The following CTNNA2 variants were observed in gnomAD, a reference collection of about 807,000 sequenced individuals.
CTNNA2 encodes the protein catenin alpha 2.
CTNNA2 carries 42 observed loss-of-function variants against 101.0 expected under a neutral mutation model. The observed-to-expected ratio is 0.42, with a 90% CI of 0.32 to 0.54. CTNNA2 has a LOEUF of 0.54. CTNNA2 is among the 20% of genes least tolerant of loss of function. CTNNA2 has a pLI of 0.14. For missense variants in CTNNA2, 871 were observed against 1,223.1 expected, an observed-to-expected ratio of 0.71 and a Z score of 4.29; for synonymous variants, 450 against 456.4, an observed-to-expected ratio of 0.99 and a Z score of 0.18.
At chr2:79,517,712 A>G (rs994480428) in intron 1 of CTNNA2, among the ~76,000 whole-genome samples, 1 of 152,218 alleles carries the variant, frequency 6.6e-6, no homozygotes, top group Non-Finnish European at 1.5e-5. Flanking sequence ...ACTCAGCCAT[A>G]AATTTGCATT....
At chr2:79,378,905 G>A (rs1678008853) in intron 4 of CTNNA2, among the ~76,000 whole-genome samples, 3 of 152,026 alleles carry the variant, frequency 2.0e-5, no homozygotes, top group Non-Finnish European at 4.4e-5. Context: ...ACTTCTTTGG[G>A]TCATGGGGAG....
chr2:79,463,490 G>C (rs1356203346), intron 4 of CTNNA2, among the ~76,000 whole-genome samples: 1 of 151,852 alleles, frequency 6.6e-6, no homozygotes, highest in Non-Finnish European at 1.5e-5. Flanking sequence ...CATATATTGT[G>C]ATGGCTTCTG....
chr2:79,482,537 G>A (rs1412119660), intron 4 of CTNNA2, among the ~76,000 whole-genome samples: 1 of 152,104 alleles, frequency 6.6e-6, no homozygotes, highest in African/African-American at 2.4e-5. Flanking sequence ...ATTTCCAAAT[G>A]TTACTCAGGT....
intron 9 of CTNNA2, among the ~76,000 whole-genome samples, chr2:80,456,442 T>A (rs1277101649): frequency 6.6e-6 from 1 of 152,096 alleles, no homozygotes; most frequent in Admixed American, 6.6e-5. Context: ...ACTGGGGTGC[T>A]ATTGGACGCG....
At chr2:80,095,250 A>C (rs1325880851) in intron 7 of CTNNA2, among the ~76,000 whole-genome samples, 1 of 152,132 alleles carries the variant, frequency 6.6e-6, no homozygotes, top group Non-Finnish European at 1.5e-5. Context: ...TTCTGCATCT[A>C]TTGAGATAAT....
chr2:80,476,412 C>A (rs1345466311), intron 9 of CTNNA2, among the ~76,000 whole-genome samples: 1 of 152,116 alleles, frequency 6.6e-6, no homozygotes, highest in African/African-American at 2.4e-5. Flanking sequence ...ATTTGATACA[C>A]TAGTTGTAGG....
chr2:80,574,180 G>A lies in CTNNA2; in HGVS notation c.1759G>A (p.Glu587Lys). Residue 587 changes from glutamate (E) to lysine (K), a missense_variant, in exon 13 of 19, where the codon GAA becomes AAA. Physicochemically the swap from Glu to Lys is moderately conservative, Grantham distance 56 (BLOSUM62 1). Transcript: ENST00000402739. ...TAACCCAGTGATGCCACGCTTCGCT[G>A]AACAAGTAGAGGTTGCCATTGAAGC... Reference protein sequence around the residue: ...LSETVMPRFAEQVEVAIEALS... With the variant: ...LSETVMPRFAKQVEVAIEALS... The A allele has an allele frequency of 6.2e-7, 1 of 1,612,666 alleles. No individual in the cohort carries two copies. The highest frequency in any genetic ancestry group is 8.5e-7 in the Non-Finnish European group (1 of 1,179,226).
At chr2:79,842,692 A>G (rs1033990898) in intron 3 of CTNNA2, among the ~76,000 whole-genome samples, 1 of 151,760 alleles carries the variant, frequency 6.6e-6, no homozygotes, top group African/African-American at 2.4e-5. Flanking sequence ...ATTTAGCCGT[A>G]GTTTTGGGTG....
chr2:79,604,151 T>C (rs984884183), intron 1 of CTNNA2, among the ~76,000 whole-genome samples: 1 of 152,208 alleles, frequency 6.6e-6, no homozygotes, highest in Non-Finnish European at 1.5e-5. Context: ...TCAGTGTGTA[T>C]GTCTGTGTGT....
intron 7 of CTNNA2, among the ~76,000 whole-genome samples, chr2:80,092,572 G>C (rs960452301): frequency 1.3e-5 from 2 of 152,062 alleles, no homozygotes; most frequent in African/African-American, 4.8e-5. Flanking sequence ...GAACTGTTAA[G>C]AGCATTGCTT....
At chr2:79,967,117 CGTGTGT>C (rs56007530) in intron 7 of CTNNA2, among the ~76,000 whole-genome samples, 23 of 149,668 alleles carry the variant, frequency 1.5e-4, no homozygotes, top group Admixed American at 6.0e-4. Context: ...CGCGCACGCA[CGTGTGT>C]GTGTGTGTGT....
intron 1 of CTNNA2, among the ~76,000 whole-genome samples, chr2:79,644,162 C>T (rs781113822): frequency 2.4e-4 from 36 of 152,036 alleles, no homozygotes; most frequent in Non-Finnish European, 3.4e-4. Flanking sequence ...CTCAGCCTCC[C>T]GAGTAGCTGG....
rs1673961424 is a variant in CTNNA2, at chr2:79,196,360, C to T, written c.-523-1599C>T. 3.9e-5 allele frequency among the ~76,000 whole-genome samples: 6 copies of T among 152,132 alleles called. No homozygotes were observed. The South Asian group carries it at 1.2e-3, about 32-fold the overall frequency. Reference sequence around the variant, plus strand: ...TGATTTTTTACTTCCTCACTCACCCCAACCTGCCATTGAAAAAAATCAATT... The same window carrying T: ...TGATTTTTTACTTCCTCACTCACCCTAACCTGCCATTGAAAAAAATCAATT... On this transcript the variant is annotated intron_variant, in intron 1 of 21. Coordinates refer to the CTNNA2 transcript ENST00000466387.
intron 8 of CTNNA2, among the ~76,000 whole-genome samples, chr2:80,398,847 A>G (rs1010205411): frequency 2.0e-5 from 3 of 151,548 alleles, no homozygotes; most frequent in Admixed American, 6.6e-5. Flanking sequence ...AGCCTGGGTA[A>G]CACATCAAGA....
chr2:80,316,849 G>A (rs1160603024), intron 7 of CTNNA2, among the ~76,000 whole-genome samples: 1 of 152,110 alleles, frequency 6.6e-6, no homozygotes. Context: ...ATACAGTGGG[G>A]AACAAAACTG....
chr2:80,516,897 T>C (rs557474404), intron 9 of CTNNA2, among the ~76,000 whole-genome samples: 1 of 152,320 alleles, frequency 6.6e-6, no homozygotes, highest in South Asian at 2.1e-4. Context: ...TTCTCTTCCA[T>C]GTGAAATCAG....
At chr2:80,587,511 A>C (rs1264969143) in intron 14 of CTNNA2, among the ~76,000 whole-genome samples, 1 of 152,218 alleles carries the variant, frequency 6.6e-6, no homozygotes, top group Non-Finnish European at 1.5e-5. Flanking sequence ...ATTATTTACT[A>C]TGCCCATATT....
intron 9 of CTNNA2, among the ~76,000 whole-genome samples, chr2:80,454,665 T>C (rs1303719790): frequency 6.6e-6 from 1 of 152,230 alleles, no homozygotes; most frequent in Non-Finnish European, 1.5e-5. Context: ...GCAAGTACCC[T>C]GGGCACTGGG....
chr2:79,487,536 A>G (rs1023396481), intron 4 of CTNNA2, among the ~76,000 whole-genome samples: 3 of 152,200 alleles, frequency 2.0e-5, no homozygotes, highest in Non-Finnish European at 2.9e-5. Context: ...GAGAACCCAG[A>G]TAGCACGCTG....
Sources: allele counts gnomAD v4.1 joint callset (sites outside exome capture counted in the v4.1 genomes callset), GRCh38; gene constraint gnomAD v4.1.1; transcripts MANE v1.5; gene names NCBI Gene and HGNC (gene_info 2026-07-23, HGNC 2026-07-21).